NECAB1: variants seen among roughly 807,000 people sequenced by gnomAD.
NECAB1 encodes N-terminal EF-hand calcium-binding protein 1.
NECAB1 carries 29 observed loss-of-function variants against 57.5 expected under a neutral mutation model. The ratio of observed to expected loss-of-function variants is 0.50; its 90% CI spans 0.38 to 0.69. The LOEUF is 0.69. Among genes scored for constraint, NECAB1 ranks in the 30% least tolerant of loss-of-function variants. The pLI, the probability that NECAB1 is intolerant of heterozygous loss-of-function variation, is 0.00. For synonymous variants in NECAB1, 142 were observed against 147.7 expected, an observed-to-expected ratio of 0.96 and a Z score of 0.28; for missense variants, 372 against 413.8, an observed-to-expected ratio of 0.90 and a Z score of 0.88.
intron 2 of NECAB1, 22 bp downstream of exon 2, chr8:90,801,737 A>C (rs1355649524): frequency 4.1e-6 from 6 of 1,468,768 alleles, no homozygotes; most frequent in Non-Finnish European, 5.5e-6. Flanking sequence ...AATCTACAGT[A>C]TCTATTTATT....
intron 4 of NECAB1, among the ~76,000 whole-genome samples, chr8:90,873,883 T>C (rs1359786017): frequency 9.5e-6 from 1 of 104,978 alleles, no homozygotes. Flanking sequence ...TTTTCTATAA[T>C]GGAACTAGTT....
chr8:90,899,102 T>C (rs1318213255), intron 5 of NECAB1, among the ~76,000 whole-genome samples: 1 of 152,190 alleles, frequency 6.6e-6, no homozygotes, highest in Non-Finnish European at 1.5e-5. Flanking sequence ...AAGTTTTGGC[T>C]ATGCCAGTGG....
chr8:90,934,076 G>A (rs1180064739), intron 8 of NECAB1, among the ~76,000 whole-genome samples: 1 of 151,936 alleles, frequency 6.6e-6, no homozygotes. Context: ...TAAATTTAAA[G>A]CAATACTTTG....
intron 3 of NECAB1, among the ~76,000 whole-genome samples, chr8:90,855,403 T>A (rs1454378867): frequency 1.3e-5 from 2 of 152,334 alleles, no homozygotes; most frequent in East Asian, 3.9e-4. Flanking sequence ...TTTAGGAGTC[T>A]TTGGATGTTC....
intron 5 of NECAB1, among the ~76,000 whole-genome samples, chr8:90,896,962 G>A (rs1477383109): frequency 6.6e-6 from 1 of 152,174 alleles, no homozygotes; most frequent in Non-Finnish European, 1.5e-5. Flanking sequence ...CGACACAGCA[G>A]CAGGGGTGAC....
chr8:90,889,595 TC>T (rs1483750673), intron 5 of NECAB1, among the ~76,000 whole-genome samples: 2 of 152,202 alleles, frequency 1.3e-5, no homozygotes, highest in Non-Finnish European at 2.9e-5. Context: ...CATTTTAAGG[TC>T]CTTGAGGAGT....
chr8:90,880,810 C>G (rs536235960), intron 4 of NECAB1, among the ~76,000 whole-genome samples: 2 of 152,046 alleles, frequency 1.3e-5, no homozygotes, highest in Non-Finnish European at 2.9e-5. Flanking sequence ...AACATTTCTT[C>G]AAGGATAATG....
At chr8:90,857,119 G>A (rs956104600) in intron 3 of NECAB1, among the ~76,000 whole-genome samples, 4 of 151,952 alleles carry the variant, frequency 2.6e-5, no homozygotes, top group Middle Eastern at 3.4e-3. Context: ...TTCAGAGCAG[G>A]AGTGGAGGTT....
chr8:90,799,680 C>A (rs1811728616), intron 1 of NECAB1, among the ~76,000 whole-genome samples: 2 of 152,026 alleles, frequency 1.3e-5, no homozygotes, highest in African/African-American at 4.8e-5. Context: ...TTTTTTGTAC[C>A]AGTACCATGC....
chr8:90,891,446 C>T (rs763542370), intron 5 of NECAB1, among the ~76,000 whole-genome samples: 16 of 151,774 alleles, frequency 1.1e-4, no homozygotes, highest in Non-Finnish European at 1.8e-4. Context: ...ACATATTATG[C>T]CATTTTGTGT....
intron 2 of NECAB1, among the ~76,000 whole-genome samples, chr8:90,808,688 C>T (rs1173210397): frequency 7.2e-6 from 1 of 138,674 alleles, no homozygotes; most frequent in Admixed American, 7.8e-5. Context: ...CTTTGTCGCC[C>T]AGGCTGGAGT....
At chr8:90,912,074 A>G (rs1015810405) in intron 5 of NECAB1, among the ~76,000 whole-genome samples, 1 of 152,158 alleles carries the variant, frequency 6.6e-6, no homozygotes, top group South Asian at 2.1e-4. Flanking sequence ...TAACCACTAC[A>G]TTATGTTATT....
At chr8:90,855,339 G>T (rs1418346781) in intron 3 of NECAB1, among the ~76,000 whole-genome samples, 1 of 152,114 alleles carries the variant, frequency 6.6e-6, no homozygotes, top group African/African-American at 2.4e-5. Flanking sequence ...AGAAACAGGA[G>T]GTCTTCCTGG....
intron 8 of NECAB1, among the ~76,000 whole-genome samples, chr8:90,930,478 C>A (rs192193475): frequency 7.2e-5 from 11 of 152,044 alleles, no homozygotes; most frequent in Non-Finnish European, 1.3e-4. Flanking sequence ...GGCAGAAATA[C>A]CTAGTTAGAT....
intron 5 of NECAB1, among the ~76,000 whole-genome samples, chr8:90,893,188 C>G (rs1809230612): frequency 1.3e-5 from 2 of 152,150 alleles, no homozygotes; most frequent in South Asian, 2.1e-4. Context: ...CGGGACTTAG[C>G]TTAACTGTCA....
intron 5 of NECAB1, among the ~76,000 whole-genome samples, chr8:90,891,559 A>G (rs1809169014): frequency 6.6e-6 from 1 of 152,098 alleles, no homozygotes; most frequent in Non-Finnish European, 1.5e-5. Flanking sequence ...TAATAGAACC[A>G]AGAATTTTTC....
intron 12 of NECAB1, among the ~76,000 whole-genome samples, chr8:90,955,109 A>T (rs1470854986): frequency 1.5e-5 from 1 of 67,022 alleles, no homozygotes; most frequent in Non-Finnish European, 2.7e-5. Flanking sequence ...TTGGGTATAT[A>T]AATTATATAT....
At chr8:90,848,950 T>A (rs1426520632) in intron 3 of NECAB1, among the ~76,000 whole-genome samples, 1 of 152,136 alleles carries the variant, frequency 6.6e-6, no homozygotes, top group Non-Finnish European at 1.5e-5. Flanking sequence ...AGACTCCATC[T>A]CAATCAATCA....
intron 11 of NECAB1, among the ~76,000 whole-genome samples, chr8:90,950,655 T>C (rs1810907909): frequency 6.6e-6 from 1 of 152,152 alleles, no homozygotes; most frequent in South Asian, 2.1e-4. Flanking sequence ...GAAGGCACTT[T>C]GTGCTATAAG....
Sources: allele counts gnomAD v4.1 joint callset (sites outside exome capture counted in the v4.1 genomes callset), GRCh38; gene constraint gnomAD v4.1.1; transcripts MANE v1.5; gene names NCBI Gene and HGNC (gene_info 2026-07-23, HGNC 2026-07-21).